CNTNAP4: variants seen among roughly 807,000 people sequenced by gnomAD.
CNTNAP4 encodes the protein contactin-associated protein-like 4.
In CNTNAP4, 98 loss-of-function variants were observed where a neutral mutation model predicts 148.4. That is an observed-to-expected ratio of 0.66 (90% confidence interval 0.56 to 0.78). The LOEUF is 0.78. Among genes scored for constraint, CNTNAP4 ranks in the 30% least tolerant of loss-of-function variants. The pLI, the probability that CNTNAP4 is intolerant of heterozygous loss-of-function variation, is 0.00. For missense variants in CNTNAP4, 1,935 were observed against 1,565.6 expected (o/e 1.24, Z -3.98); for synonymous variants, 730 against 565.1 (o/e 1.29, Z -4.14).
At chr16:76,440,735 T>C (rs767705108) in intron 4 of CNTNAP4, among the ~76,000 whole-genome samples, 1 of 152,140 alleles carries the variant, frequency 6.6e-6, no homozygotes, top group Non-Finnish European at 1.5e-5. Context: ...AGTAGAATGT[T>C]GAATGTTTAT....
chr16:76,278,506 TATC>T (rs1958568259), intron 1 of CNTNAP4, among the ~76,000 whole-genome samples: 1 of 152,250 alleles, frequency 6.6e-6, no homozygotes, highest in African/African-American at 2.4e-5. Flanking sequence ...ATAATTTAGA[TATC>T]ATCCATAATA....
At chr16:76,381,673 G>C (rs1567937589) in intron 3 of CNTNAP4, among the ~76,000 whole-genome samples, 1 of 152,122 alleles carries the variant, frequency 6.6e-6, no homozygotes, top group Non-Finnish European at 1.5e-5. Flanking sequence ...TGTAGGGTAT[G>C]TTATTTACTT....
At chr16:76,401,413 T>G (rs1010698913) in intron 3 of CNTNAP4, among the ~76,000 whole-genome samples, 1 of 152,212 alleles carries the variant, frequency 6.6e-6, no homozygotes, top group Non-Finnish European at 1.5e-5. Context: ...AAGAGTTTGC[T>G]GAAGTTGTTT....
chr16:76,439,041 A>G (rs1016146217), intron 4 of CNTNAP4, among the ~76,000 whole-genome samples: 1 of 152,152 alleles, frequency 6.6e-6, no homozygotes, highest in Non-Finnish European at 1.5e-5. Flanking sequence ...AAATGTACAT[A>G]TTTACATTAT....
chr16:76,520,331 A>G (rs1050137818), intron 15 of CNTNAP4, among the ~76,000 whole-genome samples: 1 of 152,190 alleles, frequency 6.6e-6, no homozygotes, highest in Non-Finnish European at 1.5e-5. Context: ...AAAGTTGTAG[A>G]TATGAAAAAA....
chr16:76,481,400 C>T (rs1304458520), intron 12 of CNTNAP4, among the ~76,000 whole-genome samples: 1 of 152,096 alleles, frequency 6.6e-6, no homozygotes, highest in Non-Finnish European at 1.5e-5. Flanking sequence ...TAAATAACAG[C>T]CGGGTGCAGT....
At chr16:76,408,180 A>G (rs2078666295) in intron 3 of CNTNAP4, among the ~76,000 whole-genome samples, 1 of 152,122 alleles carries the variant, frequency 6.6e-6, no homozygotes, top group Non-Finnish European at 1.5e-5. Context: ...AAAAAACTTG[A>G]TGTGATGAAA....
rs1471449923 is a variant in CNTNAP4 at position 76,460,771 on chromosome 16, AAAATATATAT to A, written c.1334-1183_1334-1174del. ...CATGTCTCAAAAAAAAAAAAAAAAA[AAAATATATAT>A]ATATATATATATATTTAGAATTGTA... is the stretch of plus-strand genomic sequence containing the variant. On this transcript the variant is annotated intron_variant, in intron 8 of 23. Transcript: ENST00000611870. Among the ~76,000 whole-genome samples the A allele has an allele frequency of 1.2e-4, 4 of 33,676 alleles. 1 individual carries two copies. The highest frequency in any genetic ancestry group is 1.3e-3 in the East Asian group (2 of 1,516). The allele number at this position is 33,676 out of a possible 152,430, so 22.1% of individuals were successfully genotyped here.
At chr16:76,423,987 G>A (rs1597489442) in intron 3 of CNTNAP4, among the ~76,000 whole-genome samples, 1 of 152,010 alleles carries the variant, frequency 6.6e-6, no homozygotes. Flanking sequence ...GGAATGTGCT[G>A]TAAGTCCCAT....
intron 4 of CNTNAP4, among the ~76,000 whole-genome samples, chr16:76,435,099 CAGTAGGGT>C (rs1349747273): frequency 1.3e-5 from 2 of 152,226 alleles, no homozygotes; most frequent in South Asian, 2.1e-4. Context: ...CATACATTGT[CAGTAGGGT>C]AGTAGGGTCC....
chr16:76,473,272 T>A (rs2081436740), intron 10 of CNTNAP4, among the ~76,000 whole-genome samples: 1 of 152,216 alleles, frequency 6.6e-6, no homozygotes, highest in Non-Finnish European at 1.5e-5. Context: ...CATTTCTTTA[T>A]GATTATATTT....
chr16:76,553,739 C>T (rs2085070456), intron 22 of CNTNAP4, 97 bp from the exon 23 acceptor site: 1 of 774,446 alleles, frequency 1.3e-6, no homozygotes, highest in Non-Finnish European at 2.1e-6. Context: ...CATTCGCCTC[C>T]ATAATTCTCT....
chr16:76,412,073 G>C (rs931063322), intron 3 of CNTNAP4, among the ~76,000 whole-genome samples: 2 of 151,226 alleles, frequency 1.3e-5, no homozygotes, highest in Non-Finnish European at 3.0e-5. Context: ...TAAATATCTG[G>C]CTCCTTGGGT....
intron 3 of CNTNAP4, among the ~76,000 whole-genome samples, chr16:76,387,827 T>C (rs1186367844): frequency 6.6e-6 from 1 of 152,236 alleles, no homozygotes; most frequent in Non-Finnish European, 1.5e-5. Flanking sequence ...CTTCCTAGTA[T>C]ATAGGCTGTG....
At chr16:76,321,617 A>C (rs1018819722) in intron 2 of CNTNAP4, among the ~76,000 whole-genome samples, 3 of 151,682 alleles carry the variant, frequency 2.0e-5, no homozygotes, top group African/African-American at 7.3e-5. Flanking sequence ...GTGAAACCCC[A>C]TCTCTACTAA....
intron 1 of CNTNAP4, among the ~76,000 whole-genome samples, chr16:76,301,854 C>A (rs533215403): frequency 2.0e-5 from 3 of 152,086 alleles, no homozygotes; most frequent in African/African-American, 4.8e-5. Flanking sequence ...AATGAAGTGA[C>A]AGGTTGGTTT....
At chr16:76,436,124 A>C (rs1160463405) in intron 4 of CNTNAP4, among the ~76,000 whole-genome samples, 1 of 152,078 alleles carries the variant, frequency 6.6e-6, no homozygotes, top group East Asian at 1.9e-4. Flanking sequence ...AATCAACATT[A>C]TCTCTCCTGG....
At chr16:76,526,705 A>T (rs1014737358) in intron 17 of CNTNAP4, among the ~76,000 whole-genome samples, 3 of 152,066 alleles carry the variant, frequency 2.0e-5, no homozygotes, top group Non-Finnish European at 4.4e-5. Flanking sequence ...ACAGAGTCTC[A>T]CTATGTCACT....
At chr16:76,526,187 G>A (rs2083723588) in intron 17 of CNTNAP4, among the ~76,000 whole-genome samples, 1 of 152,076 alleles carries the variant, frequency 6.6e-6, no homozygotes, top group Non-Finnish European at 1.5e-5. Flanking sequence ...TGAAACAGAA[G>A]AGAAAACCCT....
Sources: allele counts gnomAD v4.1 joint callset (sites outside exome capture counted in the v4.1 genomes callset), GRCh38; gene constraint gnomAD v4.1.1; transcripts MANE v1.5; gene names NCBI Gene and HGNC (gene_info 2026-07-23, HGNC 2026-07-21).